Variants in EBF4 observed in about 807,000 individuals in gnomAD.
EBF4 encodes EBF transcription factor 4.
A neutral mutation model predicts 67.1 loss-of-function variants in EBF4; 34 were observed. That is an observed-to-expected ratio of 0.51 (90% CI 0.39 to 0.67). The LOEUF (loss-of-function observed/expected upper bound fraction) is 0.67, where lower values mean the gene tolerates loss of function less well. Ranked by LOEUF, EBF4 falls within the 30% of genes least tolerant of loss-of-function variation. The probability of loss-of-function intolerance (pLI) is 0.00; values close to 1 mark genes in which losing one functional copy is unlikely to be tolerated. For missense variants in EBF4, 837 were observed against 873.3 expected, an observed-to-expected ratio of 0.96 and a Z score of 0.52; for synonymous variants, 387 against 377.7, an observed-to-expected ratio of 1.02 and a Z score of -0.29.
At chr20:2,746,052 A>G (rs1170813378) in intron 6 of EBF4, among the ~76,000 whole-genome samples, 1 of 152,112 alleles carries the variant, frequency 6.6e-6, no homozygotes, top group Non-Finnish European at 1.5e-5. Flanking sequence ...CTTAATTTAA[A>G]TGAGCTGGTC....
intron 1 of EBF4, among the ~76,000 whole-genome samples, chr20:2,695,620 C>T (rs937734207): frequency 1.3e-5 from 2 of 152,202 alleles, no homozygotes; most frequent in African/African-American, 2.4e-5. Flanking sequence ...TGACTTTCCT[C>T]CCTGTCCCAG....
chr20:2,755,802 A>G lies in EBF4; in HGVS notation c.1716A>G (p.Arg572=), dbSNP rs1211100567. Residue 572 remains arginine, a synonymous_variant, in exon 15 of 17, where the codon AGA becomes AGG. Transcript: ENST00000609451. The surrounding 1 kb of genome is among the most constrained non-coding windows in gnomAD (Gnocchi z 4.7). ...GCTCCCCACCCCAGGCCTGCCCCAG[A>G]GCCCACGGAGAGGGGCTTCCAGGTG... The G allele has an allele frequency of 6.5e-7, 1 of 1,548,462 alleles. No homozygotes were observed. Among genetic ancestry groups the G allele is most frequent in the Non-Finnish European group, 8.7e-7 (1 of 1,146,884 alleles).
chr20:2,742,934 T>TA (rs2087989275), intron 6 of EBF4, among the ~76,000 whole-genome samples: 3 of 152,038 alleles, frequency 2.0e-5, no homozygotes, highest in Middle Eastern at 3.2e-3. Flanking sequence ...TGTCCTCACT[T>TA]ACCCAGCCCC....
intron 6 of EBF4, among the ~76,000 whole-genome samples, chr20:2,727,079 T>C (rs1293206473): frequency 1.3e-5 from 2 of 152,166 alleles, no homozygotes; most frequent in African/African-American, 4.8e-5. Context: ...GTCCTCAAGG[T>C]TCATTCATGT....
chr20:2,694,562 G>T (rs1390971910), intron 1 of EBF4, among the ~76,000 whole-genome samples: 1 of 152,190 alleles, frequency 6.6e-6, no homozygotes, highest in Non-Finnish European at 1.5e-5. Flanking sequence ...TGCACCTTCA[G>T]CTGTGACCAT....
chr20:2,712,725 A>G (rs2087560007), intron 6 of EBF4, among the ~76,000 whole-genome samples: 1 of 152,164 alleles, frequency 6.6e-6, no homozygotes, highest in African/African-American at 2.4e-5. Flanking sequence ...TGAGGTGTCT[A>G]GTATTTAGAG....
intron 14 of EBF4, among the ~76,000 whole-genome samples, chr20:2,753,169 G>T (rs751785790): frequency 6.6e-6 from 1 of 152,224 alleles, no homozygotes; most frequent in African/African-American, 2.4e-5. Flanking sequence ...CAGTCAAATA[G>T]GGTCAATTCC....
exon 13 of EBF4, chr20:2,752,220 G>T (rs1212318308): frequency 1.5e-6 from 2 of 1,358,440 alleles, no homozygotes; most frequent in East Asian, 3.2e-5. Context: ...TCAGCAGCCC[G>T]CTGGCCATCG....
chr20:2,703,281 T>G (rs1219807531), intron 1 of EBF4, among the ~76,000 whole-genome samples: 3 of 135,162 alleles, frequency 2.2e-5, no homozygotes, highest in African/African-American at 5.7e-5. Context: ...AAAAAAAAAG[T>G]TACTCCAAGC....
upstream of EBF4, chr20:2,693,436 C>A (rs2087240265): frequency 4.4e-6 from 2 of 450,364 alleles, no homozygotes; most frequent in Non-Finnish European, 3.6e-6. This position sits in a 1 kb window ranked among gnomAD's most constrained non-coding sequence, Gnocchi z 4.6. Context: ...CCCCGCCCAG[C>A]GCCCCAGGAG....
At chr20:2,731,441 G>A (rs1465379722) in intron 6 of EBF4, among the ~76,000 whole-genome samples, 1 of 152,104 alleles carries the variant, frequency 6.6e-6, no homozygotes, top group Non-Finnish European at 1.5e-5. Flanking sequence ...AGAAGAAATA[G>A]GGCATGCAGC....
chr20:2,758,872 A>G (rs2146528232), intron 15 of EBF4, 37 bp from the exon 16 acceptor site: 2 of 1,545,748 alleles, frequency 1.3e-6, no homozygotes, highest in African/African-American at 1.4e-5. Flanking sequence ...CCCAGGTGGC[A>G]CATGGCTTAT....
Position 2,759,257 on chromosome 20 carries a change from C to T in EBF4, c.*6-11C>T, listed in dbSNP as rs571761767. The T allele has an allele frequency of 2.7e-4, 136 of 511,556 alleles. 1 individual carries two copies. Among genetic ancestry groups the T allele is most frequent in the Middle Eastern group, 2.2e-3 (4 of 1,836 alleles). 31.7% of individuals were successfully genotyped at this position (511,556 alleles called of 1,614,324 possible). A position where few individuals can be genotyped will look rare whatever the true frequency, so the allele number is the denominator to read the frequency against. On this transcript the variant is annotated splice_polypyrimidine_tract_variant and intron_variant, in intron 16 of 16. Coordinates refer to ENST00000609451, the Ensembl canonical transcript of EBF4. ...CCCCGACCTTCTTCTCTCCCTCTCT[C>T]GCCCCACCAGGTCTGCAGCTGTTCC...
intron 6 of EBF4, among the ~76,000 whole-genome samples, chr20:2,744,060 T>C (rs1029178435): frequency 6.7e-6 from 1 of 148,880 alleles, no homozygotes; most frequent in Non-Finnish European, 1.5e-5. Flanking sequence ...CTCCAGGTCA[T>C]CAAAGTTTTT....
intron 15 of EBF4, 101 bp from the exon 16 acceptor site, chr20:2,758,808 T>C: frequency 9.7e-7 from 1 of 1,033,924 alleles, no homozygotes; most frequent in Non-Finnish European, 1.5e-6. Context: ...CTTCAGAAAG[T>C]GCTATATCCC....
chr20:2,700,305 G>T (rs1168694193), intron 1 of EBF4, among the ~76,000 whole-genome samples: 1 of 151,898 alleles, frequency 6.6e-6, no homozygotes, highest in Non-Finnish European at 1.5e-5. Context: ...TTGCATCCTT[G>T]TCCCCAGGTC....
intron 6 of EBF4, among the ~76,000 whole-genome samples, chr20:2,723,474 C>T (rs2087709592): frequency 6.6e-6 from 1 of 150,524 alleles, no homozygotes; most frequent in Non-Finnish European, 1.5e-5. Context: ...CCTCAGCCTC[C>T]CGAGTAGCTG....
intron 7 of EBF4, 116 bp downstream of exon 7, chr20:2,748,746 C>T (rs1215522149): frequency 6.6e-6 from 8 of 1,214,838 alleles, no homozygotes. Context: ...CAAGGCAGAT[C>T]TCTGCCCAGC....
chr20:2,754,588 G>T (rs2088207631), intron 14 of EBF4, among the ~76,000 whole-genome samples: 1 of 152,170 alleles, frequency 6.6e-6, no homozygotes, highest in African/African-American at 2.4e-5. Flanking sequence ...AAGGGAGGTA[G>T]GAGGGCCCTC....
Sources: allele counts gnomAD v4.1 joint callset (sites outside exome capture counted in the v4.1 genomes callset), GRCh38; gene constraint gnomAD v4.1.1; non-coding constraint Gnocchi (gnomAD v3.1); transcripts MANE v1.5; gene names NCBI Gene and HGNC (gene_info 2026-07-23, HGNC 2026-07-21).